Variants in WDPCP observed in about 807,000 individuals in gnomAD.
WDPCP encodes the protein WD repeat containing planar cell polarity effector.
In WDPCP, 71 loss-of-function variants were observed where a neutral mutation model predicts 93.1. That is an observed-to-expected ratio of 0.76 (90% CI 0.63 to 0.93). The LOEUF (loss-of-function observed/expected upper bound fraction) is 0.93, where lower values mean the gene tolerates loss of function less well. Among genes scored for constraint, WDPCP ranks in the 40% least tolerant of loss-of-function variants. WDPCP has a pLI of 0.00. For synonymous variants in WDPCP, 315 were observed against 315.0 expected, an observed-to-expected ratio of 1.00 and a Z score of 0.00; for missense variants, 844 against 887.4, an observed-to-expected ratio of 0.95 and a Z score of 0.62.
chr2:63,701,169 T>C (rs1039088201), intron 2 of WDPCP, among the ~76,000 whole-genome samples: 9 of 151,946 alleles, frequency 5.9e-5, no homozygotes, highest in African/African-American at 2.2e-4. Flanking sequence ...AAACAACAAA[T>C]AATACAATTT....
chr2:63,437,678 TATC>T (rs1267850039), intron 7 of WDPCP, 124 bp from the exon 8 acceptor site: 7 of 1,059,632 alleles, frequency 6.6e-6, no homozygotes, highest in African/African-American at 3.2e-5. Flanking sequence ...GTCTCTTGAA[TATC>T]ATTATAGCAT....
intron 10 of WDPCP, among the ~76,000 whole-genome samples, chr2:63,383,453 G>C (rs990637190): frequency 1.3e-5 from 2 of 152,158 alleles, no homozygotes; most frequent in African/African-American, 4.8e-5. Flanking sequence ...AGTGGTTCAT[G>C]CCAGTAATCT....
At chr2:63,155,464 G>T (rs1209918484) in intron 15 of WDPCP, among the ~76,000 whole-genome samples, 1 of 152,032 alleles carries the variant, frequency 6.6e-6, no homozygotes, top group Non-Finnish European at 1.5e-5. Flanking sequence ...CTATTTCTGG[G>T]TTATATGTTC....
chr2:63,304,544 G>A lies in WDPCP; in HGVS notation c.1812+8704C>T, dbSNP rs139004139. On this transcript the variant is annotated intron_variant, in intron 13 of 17. Coordinates refer to ENST00000272321, the MANE Select transcript of WDPCP (RefSeq NM_015910.7). ...GGACTGTGCTGTGAGGGACTGTACC[G>A]TGAGGAACAGTGCATTTAGGCCCAG... Among the ~76,000 whole-genome samples, 280 of 152,292 alleles carry A rather than the reference G, an allele frequency of 1.8e-3. 1 individual carries two copies. Among genetic ancestry groups the A allele is most frequent in the African/African-American group, 6.2e-3 (256 of 41,554 alleles).
At position 63,801,398 on chromosome 2, in the gene WDPCP, A is replaced by C. The variant is rs1225984682; in HGVS notation, n.308+12224T>G. 3.3e-5 allele frequency among the ~76,000 whole-genome samples: 5 copies of C among 152,142 alleles called. No individual in the cohort carries two copies. In the East Asian group the frequency reaches 7.7e-4, roughly 24 times the overall value. Reference sequence around the variant, plus strand: ...CGTGGACCTTCACTGTGAGTGTTACAGCTCTTAAAGGTGGTAGGGAGGCAA... The same window carrying C: ...CGTGGACCTTCACTGTGAGTGTTACCGCTCTTAAAGGTGGTAGGGAGGCAA... On this transcript the variant is annotated intron_variant and non_coding_transcript_variant, in intron 2 of 4. Coordinates refer to the WDPCP transcript ENST00000467687.
At chr2:63,462,794 C>T (rs1451539475) in intron 6 of WDPCP, among the ~76,000 whole-genome samples, 1 of 152,066 alleles carries the variant, frequency 6.6e-6, no homozygotes, top group Non-Finnish European at 1.5e-5. Flanking sequence ...AGCTGACTTC[C>T]AGGTTTCTGG....
intron 14 of WDPCP, among the ~76,000 whole-genome samples, chr2:63,213,067 G>A (rs1676975904): frequency 1.3e-5 from 2 of 152,164 alleles, no homozygotes; most frequent in Non-Finnish European, 2.9e-5. Flanking sequence ...AGATCCATGA[G>A]ACAGAAAGTT....
rs1167014477 is a variant in WDPCP, at chr2:63,575,499, G to C, written c.75+12698C>G. Among the ~76,000 whole-genome samples, 106 of 118,322 alleles carry C rather than the reference G, an allele frequency of 9.0e-4. 11 individuals are homozygous for C. The highest frequency in any genetic ancestry group is 2.8e-3 in the African/African-American group (74 of 26,174). 77.6% of individuals were successfully genotyped at this position (118,322 alleles called of 152,430 possible). A position where few individuals can be genotyped will look rare whatever the true frequency, so the allele number is the denominator to read the frequency against. On this transcript the variant is annotated intron_variant, in intron 1 of 17. Coordinates refer to ENST00000272321, the MANE Select transcript of WDPCP (RefSeq NM_015910.7). ...ATACAGTGTATATATAGTATATACA[G>C]TATATACACTGTATATATAGTATAT...
chr2:63,422,551 G>A (rs1407826341), intron 9 of WDPCP, among the ~76,000 whole-genome samples: 2 of 152,174 alleles, frequency 1.3e-5, no homozygotes, highest in Non-Finnish European at 2.9e-5. Flanking sequence ...GAGTGGAAGT[G>A]TCTCTTTATA....
rs940318632 is a variant in WDPCP at position 63,431,208 on chromosome 2, C to A, written c.825+2537G>T. ...CAGTGGTTCTCAACTTGGATGCCCA[C>A]GAAAATCGCCTAGGGAACCTGTAAA... On this transcript the variant is annotated intron_variant, in intron 9 of 17. Transcript: ENST00000272321. Among the ~76,000 whole-genome samples the A allele has an allele frequency of 3.3e-5, 5 of 151,742 alleles. No homozygotes were observed. The South Asian group carries it at 1.0e-3, about 32-fold the overall frequency.
intron 1 of WDPCP, among the ~76,000 whole-genome samples, chr2:63,502,867 C>T (rs955416487): frequency 1.2e-4 from 18 of 152,022 alleles, no homozygotes; most frequent in African/African-American, 4.3e-4. Context: ...ATTTAGACCC[C>T]AGCCAGACTG....
Position 63,433,885 on chromosome 2 carries a change from G to T in WDPCP, c.685C>A (p.Leu229Ile). Residue 229 changes from leucine to isoleucine, a missense_variant, in exon 9 of 18, where the codon CTA becomes ATA. Transcript: ENST00000272321. ...CTATCATGAACACAGTTGATAGCTA[G>T]ATGTCGCTCTGTTGTCTTGTTTATT... ...GPINKTTERH[L>I]AINCVHDRVV... 6.2e-7 allele frequency: 1 copy of T among 1,613,976 alleles called. No individual in the cohort carries two copies. Among genetic ancestry groups the T allele is most frequent in the Non-Finnish European group, 8.5e-7 (1 of 1,179,920 alleles).
At position 63,125,952 on chromosome 2, in the gene WDPCP, T is replaced by C. The variant is rs1234580763; in HGVS notation, c.2191-3896A>G. On this transcript the variant is annotated intron_variant, in intron 17 of 17. Coordinates refer to ENST00000272321, the MANE Select transcript of WDPCP (RefSeq NM_015910.7). ...TTACACAAGCTTTTTTTTTTTTTTT[T>C]GAGATAAGGTCTCACTCTGTCACCC... 3.4e-5 allele frequency among the ~76,000 whole-genome samples: 5 copies of C among 149,216 alleles called. No homozygotes were observed. In the East Asian group the frequency reaches 9.8e-4, roughly 29 times the overall value.
intron 1 of WDPCP, among the ~76,000 whole-genome samples, chr2:63,542,159 T>C (rs141473743): frequency 1.3e-5 from 2 of 152,278 alleles, no homozygotes; most frequent in African/African-American, 4.8e-5. Flanking sequence ...AGGACTCCCA[T>C]TCTTGAGACT....
At chr2:63,563,181 A>G (rs752700730) in intron 1 of WDPCP, among the ~76,000 whole-genome samples, 1 of 152,200 alleles carries the variant, frequency 6.6e-6, no homozygotes, top group Admixed American at 6.5e-5. Context: ...CAGTTTTAAC[A>G]TAACTCCATC....
At chr2:63,523,670 G>A (rs1558751829) in intron 1 of WDPCP, among the ~76,000 whole-genome samples, 1 of 152,222 alleles carries the variant, frequency 6.6e-6, no homozygotes, top group South Asian at 2.1e-4. Context: ...CCAGCACTTT[G>A]AGAGGCCGCG....
intron 13 of WDPCP, among the ~76,000 whole-genome samples, chr2:63,292,371 A>T (rs1024193622): frequency 5.5e-3 from 45 of 8,244 alleles, no homozygotes; most frequent in African/African-American, 6.7e-3. Flanking sequence ...AGTTTTATTT[A>T]AAAAAAAAAT....
intron 6 of WDPCP, chr2:63,443,216 T>G (rs943909460): frequency 6.6e-6 from 1 of 152,274 alleles, no homozygotes; most frequent in African/African-American, 2.4e-5. Context: ...TTGCCCTCCC[T>G]GGCCTCATGG....
intron 2 of WDPCP, among the ~76,000 whole-genome samples, chr2:63,710,237 A>G (rs1019299015): frequency 6.6e-6 from 1 of 152,166 alleles, no homozygotes; most frequent in African/African-American, 2.4e-5. Flanking sequence ...AAAATGGAGG[A>G]AAGTAAGATC....
Sources: allele counts gnomAD v4.1 joint callset (sites outside exome capture counted in the v4.1 genomes callset), GRCh38; gene constraint gnomAD v4.1.1; transcripts MANE v1.5; gene names NCBI Gene and HGNC (gene_info 2026-07-23, HGNC 2026-07-21).